The following EYS variants were observed in gnomAD, a reference collection of about 807,000 sequenced individuals.
The protein encoded by EYS is EGF-like photoreceptor maintenance factor, also known as protein eyes shut homolog.
Under a neutral mutation model 282.1 loss-of-function variants are expected in EYS, and 250 were observed. The observed-to-expected ratio is 0.89, with a 90% CI of 0.80 to 0.98. The LOEUF is 0.98. Among genes scored for constraint, EYS ranks in the 50% least tolerant of loss-of-function variants. EYS has a pLI of 0.00. For missense variants in EYS, 4,016 were observed against 3,709.0 expected (o/e 1.08, Z -2.15); for synonymous variants, 1,355 against 1,282.9 (o/e 1.06, Z -1.20).
intron 11 of EYS, among the ~76,000 whole-genome samples, chr6:65,328,842 G>A (rs1314686874): frequency 6.6e-6 from 1 of 150,982 alleles, no homozygotes; most frequent in Non-Finnish European, 1.5e-5. Flanking sequence ...CTAAAGTTAT[G>A]ACCCAAATAC....
intron 33 of EYS, among the ~76,000 whole-genome samples, chr6:64,062,791 T>G (rs1445012753): frequency 1.3e-5 from 2 of 152,134 alleles, no homozygotes; most frequent in African/African-American, 4.8e-5. Context: ...TTCCAATTAA[T>G]TAAACACACT....
chr6:65,607,497 T>C (rs371916272), intron 2 of EYS, among the ~76,000 whole-genome samples: 2 of 151,896 alleles, frequency 1.3e-5, no homozygotes, highest in African/African-American at 4.8e-5. Flanking sequence ...TTTTTGTCTG[T>C]TTATTAAAAT....
At chr6:64,638,266 A>G (rs1159842896) in intron 22 of EYS, among the ~76,000 whole-genome samples, 1 of 92,164 alleles carries the variant, frequency 1.1e-5, no homozygotes, top group Non-Finnish European at 2.4e-5. Context: ...ACTAAACTTT[A>G]AACAGAACTA....
chr6:64,997,250 A>C (rs1051193383), intron 14 of EYS, among the ~76,000 whole-genome samples: 5 of 152,214 alleles, frequency 3.3e-5, no homozygotes, highest in Non-Finnish European at 7.3e-5. Context: ...AGATAAAAAT[A>C]GGTGGCCGTT....
At chr6:64,663,216 G>A (rs553771398) in intron 22 of EYS, among the ~76,000 whole-genome samples, 20 of 152,082 alleles carry the variant, frequency 1.3e-4, no homozygotes, top group Non-Finnish European at 2.5e-4. Flanking sequence ...AATTATGTAT[G>A]CTTGTAAAAC....
intron 30 of EYS, among the ~76,000 whole-genome samples, chr6:64,234,266 T>C (rs953741506): frequency 2.0e-5 from 3 of 151,936 alleles, no homozygotes; most frequent in African/African-American, 7.3e-5. Flanking sequence ...CACTTTTTTT[T>C]TTACAAAAAT....
chr6:65,250,482 G>A (rs746697819), intron 12 of EYS, among the ~76,000 whole-genome samples: 3 of 151,872 alleles, frequency 2.0e-5, no homozygotes, highest in Non-Finnish European at 4.4e-5. Flanking sequence ...GGTTACTAGT[G>A]AGCAGAGTAG....
intron 30 of EYS, among the ~76,000 whole-genome samples, chr6:64,296,541 A>AATATATATAT (rs1211614579): frequency 1.7e-3 from 26 of 15,506 alleles, no homozygotes; most frequent in South Asian, 3.2e-3. Context: ...GTACTGGCAG[A>AATATATATAT]ATATATATAT....
chr6:65,073,995 G>T (rs1773975381), intron 12 of EYS, among the ~76,000 whole-genome samples: 2 of 152,004 alleles, frequency 1.3e-5, no homozygotes, highest in Admixed American at 1.3e-4. Flanking sequence ...CTGGGCACAT[G>T]GAAGATGTTT....
chr6:64,978,837 G>C (rs528949208), intron 14 of EYS, among the ~76,000 whole-genome samples: 1 of 151,988 alleles, frequency 6.6e-6, no homozygotes, highest in African/African-American at 2.4e-5. Context: ...ATGAGAACTA[G>C]AATTAGAAGT....
intron 33 of EYS, among the ~76,000 whole-genome samples, chr6:64,042,382 G>A (rs2149838072): frequency 6.6e-6 from 1 of 152,322 alleles, no homozygotes; most frequent in East Asian, 1.9e-4. Context: ...GCTAGTGACT[G>A]GAAAATGGGG....
intron 40 of EYS, among the ~76,000 whole-genome samples, chr6:63,764,638 A>C (rs1477992699): frequency 1.3e-5 from 2 of 151,964 alleles, no homozygotes; most frequent in African/African-American, 2.4e-5. Context: ...CTTACACTTT[A>C]TTGTATATAT....
At chr6:64,771,533 C>T (rs1351923031) in intron 22 of EYS, among the ~76,000 whole-genome samples, 1 of 151,678 alleles carries the variant, frequency 6.6e-6, no homozygotes, top group Non-Finnish European at 1.5e-5. Flanking sequence ...ATACATTTCA[C>T]ATTACACATT....
intron 1 of EYS, among the ~76,000 whole-genome samples, chr6:65,674,352 A>G (rs1024439649): frequency 1.3e-5 from 2 of 151,574 alleles, no homozygotes; most frequent in Non-Finnish European, 2.9e-5. Context: ...GTCAGAAATA[A>G]AAGACAAAGA....
chr6:64,092,248 A>G (rs1432847711), intron 31 of EYS, among the ~76,000 whole-genome samples: 3 of 152,168 alleles, frequency 2.0e-5, no homozygotes, highest in Non-Finnish European at 4.4e-5. Context: ...ATGATTTATA[A>G]TCCTTTGGGT....
intron 14 of EYS, among the ~76,000 whole-genome samples, chr6:64,972,957 G>A (rs993532784): frequency 6.6e-6 from 1 of 151,972 alleles, no homozygotes; most frequent in Non-Finnish European, 1.5e-5. Context: ...ATTAATAAGT[G>A]ATTGAGAAGA....
rs1467074576 is a variant in EYS, at chr6:65,285,705, T to C, written c.2023+10158A>G. Among the ~76,000 whole-genome samples the C allele has an allele frequency of 8.5e-5, 13 of 152,136 alleles. No individual in the cohort carries two copies. The East Asian group carries it at 2.5e-3, about 29-fold the overall frequency. Reference sequence around the variant, plus strand: ...TATAGTGTCAACAAATATGACTGTATTAAATGATAGAAAATGTCCTAAGTG... The same window carrying C: ...TATAGTGTCAACAAATATGACTGTACTAAATGATAGAAAATGTCCTAAGTG... On this transcript the variant is annotated intron_variant, in intron 12 of 42. Transcript: ENST00000503581.
At chr6:63,776,329 T>G (rs998886232) in intron 40 of EYS, among the ~76,000 whole-genome samples, 1 of 152,126 alleles carries the variant, frequency 6.6e-6, no homozygotes, top group Non-Finnish European at 1.5e-5. Context: ...TATTTGCTGT[T>G]TTTAAGTTCA....
In EYS at chr6:63,720,490, A is replaced by C; in HGVS notation, c.*106T>G. 1 of 765,382 alleles carries C rather than the reference A, an allele frequency of 1.3e-6. No individual in the cohort carries two copies. Among genetic ancestry groups the C allele is most frequent in the Non-Finnish European group, 2.0e-6 (1 of 500,144 alleles). 47.4% of individuals were successfully genotyped at this position (765,382 alleles called of 1,614,324 possible). On this transcript the variant is annotated 3_prime_UTR_variant, in exon 43 of 43. Coordinates refer to ENST00000503581, the MANE Select transcript of EYS (RefSeq NM_001142800.2). Reference sequence around the variant, plus strand: ...GATATGTTAGCATTTAGACTATTTCAGGTAATATAGTAAACAGTTGATTCC... The same window carrying C: ...GATATGTTAGCATTTAGACTATTTCCGGTAATATAGTAAACAGTTGATTCC...
Sources: allele counts gnomAD v4.1 joint callset (sites outside exome capture counted in the v4.1 genomes callset), GRCh38; gene constraint gnomAD v4.1.1; transcripts MANE v1.5; gene names NCBI Gene and HGNC (gene_info 2026-07-23, HGNC 2026-07-21).